The following KDM5B variants were observed in gnomAD, a reference collection of about 807,000 sequenced individuals.
The protein encoded by KDM5B is lysine-specific demethylase 5B.
KDM5B carries 144 observed loss-of-function variants against 193.4 expected under a neutral mutation model. The observed-to-expected ratio is 0.74, with a 90% CI of 0.65 to 0.86. The LOEUF (loss-of-function observed/expected upper bound fraction) is 0.86. Among genes scored for constraint, KDM5B ranks in the 40% least tolerant of loss-of-function variants. The pLI is 0.00. For missense variants in KDM5B, 1,833 were observed against 1,886.9 expected, an observed-to-expected ratio of 0.97 and a Z score of 0.53; for synonymous variants, 668 against 682.6, an observed-to-expected ratio of 0.98 and a Z score of 0.33.
At chr1:202,759,860 A>C (rs1412958727) in intron 8 of KDM5B, among the ~76,000 whole-genome samples, 1 of 152,182 alleles carries the variant, frequency 6.6e-6, no homozygotes, top group Non-Finnish European at 1.5e-5. Context: ...GATGCTTTTT[A>C]TAAGAATTAA....
intron 23 of KDM5B, among the ~76,000 whole-genome samples, chr1:202,732,564 T>G (rs1033557601): frequency 1.3e-5 from 2 of 152,106 alleles, no homozygotes; most frequent in African/African-American, 4.8e-5. Context: ...TGTCAGGCAC[T>G]GTATTTCAGA....
Position 202,757,099 on chromosome 1 carries a change from G to T in KDM5B, c.1198-583C>A, listed in dbSNP as rs569447403. Reference sequence around the variant, plus strand: ...GCAGGGCGCAAGGGCTGGGAGGTGGGGGGGGGATTAGATTCTCATAAGGAA... The same window carrying T: ...GCAGGGCGCAAGGGCTGGGAGGTGGTGGGGGGATTAGATTCTCATAAGGAA... On this transcript the variant is annotated intron_variant, in intron 9 of 26. Transcript: ENST00000367265. Among the ~76,000 whole-genome samples the T allele has an allele frequency of 1.8e-4, 27 of 152,166 alleles. No individual in the cohort carries two copies. The South Asian group carries it at 3.7e-3, about 21-fold the overall frequency.
At chr1:202,769,426 T>C (rs2102288998) in intron 4 of KDM5B, among the ~76,000 whole-genome samples, 1 of 151,322 alleles carries the variant, frequency 6.6e-6, no homozygotes, top group African/African-American at 2.4e-5. Flanking sequence ...TCCCAGCACT[T>C]TGGGAGGCCA....
intron 1 of KDM5B, chr1:202,796,357 C>A: frequency 3.1e-6 from 1 of 327,616 alleles, no homozygotes. Context: ...TGTGAAGATT[C>A]TGAGGCACAA....
chr1:202,806,803 C>G (rs905807169), intron 1 of KDM5B: 1 of 152,014 alleles, frequency 6.6e-6, no homozygotes, highest in Non-Finnish European at 1.5e-5. Flanking sequence ...AGGGGTCTTC[C>G]TCTACTTAGA....
chr1:202,749,669 T>TA (rs78201474), intron 13 of KDM5B, among the ~76,000 whole-genome samples: 143 of 145,280 alleles, frequency 9.8e-4, no homozygotes, highest in East Asian at 1.6e-3. Flanking sequence ...AAAAAGTGGT[T>TA]AAAAAAAAAA....
chr1:202,761,697 T>A (rs1430995894), intron 7 of KDM5B, among the ~76,000 whole-genome samples: 1 of 152,044 alleles, frequency 6.6e-6, no homozygotes, highest in Non-Finnish European at 1.5e-5. Context: ...AAGACAGCCA[T>A]CCACAGCCAA....
Position 202,808,123 on chromosome 1 carries a change from G to A in KDM5B, c.183C>T (p.Ile61=). The A allele has an allele frequency of 1.9e-6, 3 of 1,611,932 alleles. No homozygotes were observed. Among genetic ancestry groups the A allele is most frequent in the Non-Finnish European group, 2.5e-6 (3 of 1,179,246 alleles). ...TCACCGGCGGCGGCCGCACCTTACA[G>A]ATGCCAGTCTGCTCGGCTATGGGCC... The part of the protein sequence containing the change: ...KIRPIAEQTG[I]CKVRPPPDWQ... Residue 61 remains isoleucine, a synonymous_variant, in exon 1 of 27, where the codon ATC becomes ATT. Coordinates refer to ENST00000367265, the MANE Select transcript of KDM5B (RefSeq NM_006618.5).
rs754303350 is a variant in KDM5B, at chr1:202,772,863, AT to A, written c.576+254del. Among the ~76,000 whole-genome samples, 4 of 148,136 alleles carry A rather than the reference AT, an allele frequency of 2.7e-5. No individual in the cohort carries two copies. The East Asian group carries it at 8.0e-4, about 30-fold the overall frequency. Reference sequence around the variant, plus strand: ...AGGCACACGCCACCATGCCCAGCAAATTTTTGTATTTTTAGTAGAGACGAGG... The same window carrying A: ...AGGCACACGCCACCATGCCCAGCAAATTTTGTATTTTTAGTAGAGACGAGG... On this transcript the variant is annotated intron_variant, in intron 4 of 26. Transcript: ENST00000367265.
chr1:202,763,256 A>G (rs533074356), intron 6 of KDM5B, among the ~76,000 whole-genome samples: 1 of 152,300 alleles, frequency 6.6e-6, no homozygotes, highest in East Asian at 1.9e-4. Context: ...AAGACTGAGA[A>G]GTTTGGCGAA....
chr1:202,742,542 TAC>T (rs777817940), intron 17 of KDM5B, 37 bp from the exon 18 acceptor site: 5 of 1,603,446 alleles, frequency 3.1e-6, no homozygotes, highest in Non-Finnish European at 4.3e-6. Flanking sequence ...CATATAAGAA[TAC>T]ATACATGTCC....
At chr1:202,789,755 C>CAG (rs975089286) in intron 1 of KDM5B, among the ~76,000 whole-genome samples, 14 of 150,584 alleles carry the variant, frequency 9.3e-5, no homozygotes, top group Non-Finnish European at 1.6e-4. Context: ...TTAAGACAGA[C>CAG]AGAGAGAGAG....
intron 7 of KDM5B, among the ~76,000 whole-genome samples, chr1:202,762,491 C>T (rs1259327276): frequency 6.6e-6 from 1 of 152,190 alleles, no homozygotes; most frequent in African/African-American, 2.4e-5. Flanking sequence ...GATGTTACTA[C>T]CATCTTTATA....
chr1:202,740,902 T>C (rs1221921706), intron 19 of KDM5B, 90 bp from the exon 20 acceptor site: 1 of 1,310,060 alleles, frequency 7.6e-7, no homozygotes, highest in East Asian at 2.3e-5. Flanking sequence ...TCAAAGGAAA[T>C]TCAGTATGGC....
At chr1:202,800,393 T>C (rs1301199088) in intron 1 of KDM5B, among the ~76,000 whole-genome samples, 3 of 151,938 alleles carry the variant, frequency 2.0e-5, no homozygotes, top group Admixed American at 6.6e-5. Context: ...CAGGCTGGAG[T>C]GCAGTGGCGT....
chr1:202,803,006 A>G (rs1194998801), intron 1 of KDM5B, among the ~76,000 whole-genome samples: 1 of 152,106 alleles, frequency 6.6e-6, no homozygotes, highest in East Asian at 1.9e-4. Flanking sequence ...CCAGGAGTTC[A>G]AGACCAGCCT....
rs189825818 is a variant in KDM5B, at chr1:202,778,837, G to C, written c.205-1743C>G. 6.9e-3 allele frequency among the ~76,000 whole-genome samples: 1,049 copies of C among 152,222 alleles called. 7 individuals carry two copies. The highest frequency in any genetic ancestry group is 0.011 in the Admixed American group (173 of 15,296). ...GGGTTTCACCATATTGGTCAGGCTG[G>C]TCTCAAACTCCTGACCTCATATGAT... On this transcript the variant is annotated intron_variant, in intron 1 of 26. Transcript: ENST00000367265.
chr1:202,743,368 C>T (rs1315319673), intron 16 of KDM5B, among the ~76,000 whole-genome samples: 1 of 142,812 alleles, frequency 7.0e-6, no homozygotes, highest in Non-Finnish European at 1.5e-5. Flanking sequence ...AAAAAAACAC[C>T]TGGCATGTTT....
chr1:202,788,671 T>A (rs1657514379), intron 1 of KDM5B, among the ~76,000 whole-genome samples: 1 of 152,204 alleles, frequency 6.6e-6, no homozygotes, highest in Non-Finnish European at 1.5e-5. Context: ...AATCACTGAA[T>A]GGGATGAGAA....
Sources: gnomAD v4.1 joint callset for allele counts (sites outside exome capture counted in the v4.1 genomes callset) on GRCh38, gnomAD v4.1.1 for gene constraint, MANE v1.5 for transcripts, NCBI Gene and HGNC (gene_info 2026-07-23, HGNC 2026-07-21) for gene names.